The following LRRIQ1 variants were observed in gnomAD, a reference collection of about 807,000 sequenced individuals.
The protein encoded by LRRIQ1 is leucine-rich repeat- and IQ domain-containing protein 1.
A neutral mutation model predicts 211.9 loss-of-function variants in LRRIQ1; 210 were observed. That is an observed-to-expected ratio of 0.99 (90% CI 0.89 to 1.11). The LOEUF (loss-of-function observed/expected upper bound fraction) is 1.11. Ranked by LOEUF, LRRIQ1 falls within the 50% of genes most tolerant of loss-of-function variation. The probability of loss-of-function intolerance (pLI) is 0.00; values close to 1 mark genes in which losing one functional copy is unlikely to be tolerated. For missense variants in LRRIQ1, 2,136 were observed against 1,939.5 expected (o/e 1.10, Z -1.90); for synonymous variants, 699 against 650.1 (o/e 1.08, Z -1.14).
chr12:85,244,978 A>G lies in LRRIQ1; in HGVS notation c.*37A>G. On this transcript the variant is annotated 3_prime_UTR_variant, in exon 27 of 27. Transcript: ENST00000393217. Reference sequence around the variant, plus strand: ...GAATTGATGGAACCTAATGCCAACAAGCATTCTTTTTCAGATAGGGGGTAG... The same window carrying G: ...GAATTGATGGAACCTAATGCCAACAGGCATTCTTTTTCAGATAGGGGGTAG... The G allele has an allele frequency of 6.3e-7, 1 of 1,598,504 alleles. No individual in the cohort carries two copies. The highest frequency in any genetic ancestry group is 1.1e-5 in the South Asian group (1 of 89,240).
intron 24 of LRRIQ1, among the ~76,000 whole-genome samples, chr12:85,207,168 G>A (rs1893601735): frequency 6.6e-6 from 1 of 152,100 alleles, no homozygotes; most frequent in Non-Finnish European, 1.5e-5. Context: ...TGCTTGGGGA[G>A]CCTGGAATAA....
At chr12:85,104,618 A>G (rs1183333649) in intron 14 of LRRIQ1, among the ~76,000 whole-genome samples, 1 of 151,838 alleles carries the variant, frequency 6.6e-6, no homozygotes, top group Non-Finnish European at 1.5e-5. Context: ...ACCACTTTAT[A>G]TATTTATTAA....
intron 24 of LRRIQ1, among the ~76,000 whole-genome samples, chr12:85,173,498 T>C (rs978853154): frequency 6.6e-6 from 1 of 152,150 alleles, no homozygotes; most frequent in Admixed American, 6.6e-5. Flanking sequence ...ATTCAATTCC[T>C]GATGAGGGCT....
At chr12:85,223,954 G>A (rs1247036628) in intron 24 of LRRIQ1, among the ~76,000 whole-genome samples, 2 of 151,936 alleles carry the variant, frequency 1.3e-5, no homozygotes, top group Non-Finnish European at 2.9e-5. Context: ...AAAAATATAT[G>A]CTCTCTTACT....
intron 24 of LRRIQ1, among the ~76,000 whole-genome samples, chr12:85,220,616 GTTTTA>G (rs1433744770): frequency 1.3e-5 from 2 of 149,576 alleles, no homozygotes; most frequent in Non-Finnish European, 3.0e-5. Flanking sequence ...TTGGTTTTGT[GTTTTA>G]TTTTTATTTA....
intron 24 of LRRIQ1, among the ~76,000 whole-genome samples, chr12:85,210,929 A>G (rs1893807743): frequency 1.3e-5 from 2 of 152,126 alleles, no homozygotes; most frequent in African/African-American, 4.8e-5. Context: ...AAATATTTGA[A>G]CTCCCTAAGG....
intron 9 of LRRIQ1, among the ~76,000 whole-genome samples, chr12:85,066,296 A>G (rs1882422858): frequency 6.6e-6 from 1 of 151,848 alleles, no homozygotes; most frequent in Non-Finnish European, 1.5e-5. Flanking sequence ...GAGGCTCACC[A>G]GGTCCAGTTC....
At chr12:85,137,356 A>T (rs1889208116) in intron 18 of LRRIQ1, among the ~76,000 whole-genome samples, 1 of 151,526 alleles carries the variant, frequency 6.6e-6, no homozygotes, top group Admixed American at 6.6e-5. Context: ...GAATCTGAAT[A>T]TTTTAAATTT....
rs1276908313 is a variant in LRRIQ1, at chr12:85,176,758, AT to A, written c.4822+16048del. Among the ~76,000 whole-genome samples the A allele has an allele frequency of 4.0e-3, 477 of 120,140 alleles. 4 individuals are homozygous for A. Among genetic ancestry groups the A allele is most frequent in the African/African-American group, 0.019 (442 of 23,532 alleles). 78.8% of individuals were successfully genotyped at this position (120,140 alleles called of 152,430 possible). A position where few individuals can be genotyped will look rare whatever the true frequency, so the allele number is the denominator to read the frequency against. On this transcript the variant is annotated intron_variant, in intron 24 of 26. Coordinates refer to ENST00000393217, the MANE Select transcript of LRRIQ1 (RefSeq NM_001079910.2). ...AAAGTATAATAAAAAATAAAAAAAA[AT>A]TTTAAAAAAAATAAGAATTTTAGAT...
At chr12:85,180,340 T>G (rs1311621654) in intron 24 of LRRIQ1, among the ~76,000 whole-genome samples, 1 of 152,008 alleles carries the variant, frequency 6.6e-6, no homozygotes, top group African/African-American at 2.4e-5. Context: ...CATCAATATG[T>G]GTTTTTATGT....
downstream of LRRIQ1, among the ~76,000 whole-genome samples, chr12:85,268,220 T>G (rs965952965): frequency 2.0e-5 from 3 of 151,988 alleles, no homozygotes; most frequent in East Asian, 5.8e-4. Flanking sequence ...GAAATGGAAG[T>G]AGAACTCAAT....
chr12:85,202,153 A>G (rs1027922544), intron 24 of LRRIQ1, among the ~76,000 whole-genome samples: 8 of 152,038 alleles, frequency 5.3e-5, no homozygotes, highest in Admixed American at 4.6e-4. Context: ...TGGTTAGTAT[A>G]AATTCAGTTG....
At chr12:85,083,063 A>G (rs1884461778) in intron 11 of LRRIQ1, among the ~76,000 whole-genome samples, 1 of 152,076 alleles carries the variant, frequency 6.6e-6, no homozygotes, top group African/African-American at 2.4e-5. Flanking sequence ...GAATATTGAG[A>G]TTCGGGATAA....
chr12:85,196,241 G>T (rs1318459514), intron 24 of LRRIQ1, among the ~76,000 whole-genome samples: 1 of 151,992 alleles, frequency 6.6e-6, no homozygotes, highest in African/African-American at 2.4e-5. Context: ...CGTGAAAATG[G>T]CCATACTGCC....
chr12:85,188,381 CAG>C (rs1565891521), intron 24 of LRRIQ1, among the ~76,000 whole-genome samples: 1 of 152,074 alleles, frequency 6.6e-6, no homozygotes, highest in Admixed American at 6.6e-5. Flanking sequence ...ACTCTGAACA[CAG>C]AATGCATAAA....
chr12:85,258,521 A>G (rs1405160585), intron 1 of LRRIQ1, among the ~76,000 whole-genome samples: 1 of 151,908 alleles, frequency 6.6e-6, no homozygotes, highest in Non-Finnish European at 1.5e-5. Flanking sequence ...GTTAGACTTT[A>G]TCTACTTAAA....
chr12:85,098,783 T>A, intron 12 of LRRIQ1, 84 bp from the exon 13 acceptor site: 1 of 1,024,410 alleles, frequency 9.8e-7, no homozygotes, highest in Non-Finnish European at 1.4e-6. Context: ...TGTTGTTAGT[T>A]TTGGAAGGTT....
Position 85,040,559 on chromosome 12 carries a change from G to A in LRRIQ1, c.202G>A (p.Glu68Lys). 1 of 1,600,496 alleles carries A rather than the reference G, an allele frequency of 6.2e-7. No individual in the cohort carries two copies. Among genetic ancestry groups the A allele is most frequent in the Non-Finnish European group, 8.5e-7 (1 of 1,172,226 alleles). ...CATAAAGAACAGGAGTAAAGCTGTT[G>A]AAGAGCTCATTCTTCAGGACCTGGA... ...NIIKNRSKAV[E>K]ELILQDLEDT... Residue 68 changes from glutamate to lysine, a missense_variant, in exon 3 of 27, where the codon GAA becomes AAA. Glu to Lys is a moderately conservative substitution (Grantham distance 56). Coordinates refer to ENST00000393217, the MANE Select transcript of LRRIQ1 (RefSeq NM_001079910.2).
At chr12:85,236,763 T>G (rs1384321903) in intron 26 of LRRIQ1, among the ~76,000 whole-genome samples, 1 of 149,586 alleles carries the variant, frequency 6.7e-6, no homozygotes, top group Non-Finnish European at 1.5e-5. Context: ...TATATATATA[T>G]GTATTTCTGG....
Sources: gnomAD v4.1 joint callset for allele counts (sites outside exome capture counted in the v4.1 genomes callset) on GRCh38, gnomAD v4.1.1 for gene constraint, MANE v1.5 for transcripts, NCBI Gene and HGNC (gene_info 2026-07-23, HGNC 2026-07-21) for gene names.